The following ZC3H3 variants were observed in gnomAD, a reference collection of about 807,000 sequenced individuals.
ZC3H3 encodes the protein zinc finger CCCH domain-containing protein 3.
ZC3H3 carries 36 observed loss-of-function variants against 77.3 expected under a neutral mutation model. The ratio of observed to expected loss-of-function variants is 0.47; its 90% CI spans 0.36 to 0.61. The LOEUF (loss-of-function observed/expected upper bound fraction) is 0.61, where lower values mean the gene tolerates loss of function less well. Ranked by LOEUF, ZC3H3 falls within the 20% of genes least tolerant of loss-of-function variation. The probability of loss-of-function intolerance (pLI) is 0.00; values close to 1 mark genes in which losing one functional copy is unlikely to be tolerated. For missense variants in ZC3H3, 1,331 were observed against 1,312.2 expected, an observed-to-expected ratio of 1.01 and a Z score of -0.22; for synonymous variants, 626 against 555.2, an observed-to-expected ratio of 1.13 and a Z score of -1.79.
Position 143,538,227 on chromosome 8 carries a change from C to A in ZC3H3, c.1140G>T (p.Lys380Asn), listed in dbSNP as rs773499300. The change falls in exon 2 of 12, where the codon AAG (lysine) becomes AAT (asparagine). Residue 380 changes from lysine to asparagine, a missense_variant. Physicochemically the swap from Lys to Asn is moderately conservative, Grantham distance 94. This residue lies in a region of ZC3H3 where 978 missense variants were observed against 915.5 expected (regional missense o/e 1.07). Transcript: ENST00000262577. Reference protein sequence around the residue: ...PGSAPSKYKWKASSPSASSSS... With the variant: ...PGSAPSKYKWNASSPSASSSS... ...AGGAGGAGGCAGAGGGGCTGGAGGC[C>A]TTCCACTTGTACTTGCTGGGGGCAG... is the stretch of plus-strand genomic sequence containing the variant. 7.4e-6 allele frequency: 12 copies of A among 1,612,908 alleles called. No individual in the cohort carries two copies. The highest frequency in any genetic ancestry group is 1.3e-5 in the African/African-American group (1 of 74,946).
chr8:143,514,338 C>G (rs916379292), intron 3 of ZC3H3, among the ~76,000 whole-genome samples: 10 of 152,316 alleles, frequency 6.6e-5, no homozygotes, highest in African/African-American at 2.4e-4. Flanking sequence ...AGGCCCCATC[C>G]TGGCTCGGGC....
intron 4 of ZC3H3, among the ~76,000 whole-genome samples, chr8:143,498,773 A>G (rs1339616569): frequency 9.2e-6 from 1 of 108,674 alleles, no homozygotes; most frequent in East Asian, 3.2e-4. Flanking sequence ...GCGGAGGGGC[A>G]CAGGGCAGGG....
Position 143,536,404 on chromosome 8 carries a change from T to A in ZC3H3, c.1414A>T (p.Ser472Cys). Residue 472 changes from serine to cysteine, a missense_variant, in exon 3 of 12, where the codon AGC (serine) becomes TGC (cysteine). Physicochemically the swap from Ser to Cys is moderately radical, Grantham distance 112 (BLOSUM62 -1). Around this residue, in one of 3 missense-constraint regions of ZC3H3, gnomAD observed 978 missense variants for 915.5 expected, o/e 1.07. Transcript: ENST00000262577. ...SGTSPAATAKSHLSLRRRQAL... is the reference protein window; with the variant it reads ...SGTSPAATAKCHLSLRRRQAL... ...TGTCTCCGCCGGAGGCTGAGGTGGC[T>A]CTTGGCGGTGGCGGCAGGTGAGGTG... The A allele has an allele frequency of 6.4e-7, 1 of 1,567,668 alleles. No homozygotes were observed. Among genetic ancestry groups the A allele is most frequent in the Non-Finnish European group, 8.7e-7 (1 of 1,154,760 alleles).
At chr8:143,526,768 G>A (rs958566263) in intron 3 of ZC3H3, among the ~76,000 whole-genome samples, 1 of 152,162 alleles carries the variant, frequency 6.6e-6, no homozygotes, top group Admixed American at 6.5e-5. Flanking sequence ...CCCAGAAGGT[G>A]CAGGCCACAT....
chr8:143,504,244 G>A (rs1821619906), intron 4 of ZC3H3, among the ~76,000 whole-genome samples: 2 of 152,180 alleles, frequency 1.3e-5, no homozygotes, highest in Admixed American at 6.5e-5. Context: ...GGGGGCTCAT[G>A]GCCAGGAGAG....
intron 3 of ZC3H3, among the ~76,000 whole-genome samples, chr8:143,510,220 T>A (rs1238258859): frequency 6.6e-6 from 1 of 152,214 alleles, no homozygotes; most frequent in Non-Finnish European, 1.5e-5. Context: ...AGGTATATTC[T>A]GCACGTCACC....
chr8:143,501,441 C>T lies in ZC3H3; in HGVS notation c.1715+6305G>A, dbSNP rs570129338. ...CTGGTCTTGAACTCCAGAGCTCAAG[C>T]GGTCCACCTGCCTCGGCCTCCCAAA... On this transcript the variant is annotated intron_variant, in intron 4 of 11. Coordinates refer to ENST00000262577, the MANE Select transcript of ZC3H3 (RefSeq NM_015117.3). 6.6e-5 allele frequency among the ~76,000 whole-genome samples: 10 copies of T among 151,622 alleles called. No homozygotes were observed. In the East Asian group the frequency reaches 1.8e-3, roughly 27 times the overall value.
intron 5 of ZC3H3, among the ~76,000 whole-genome samples, chr8:143,473,963 C>T (rs1820651633): frequency 6.6e-6 from 1 of 152,184 alleles, no homozygotes; most frequent in Admixed American, 6.5e-5. Context: ...CCCCACAGGC[C>T]ACCAAGCTCC....
intron 9 of ZC3H3, among the ~76,000 whole-genome samples, chr8:143,459,147 G>A (rs1319314558): frequency 1.3e-4 from 20 of 152,112 alleles, no homozygotes; most frequent in Admixed American, 1.3e-3. Context: ...GTAGTACCCC[G>A]ATAACAAAAC....
chr8:143,532,002 C>T (rs1201000569), intron 3 of ZC3H3, among the ~76,000 whole-genome samples: 3 of 152,230 alleles, frequency 2.0e-5, no homozygotes, highest in East Asian at 3.8e-4. Flanking sequence ...ATTGATTGAA[C>T]GCGGCAATTA....
At chr8:143,528,509 C>T (rs529522747) in intron 3 of ZC3H3, among the ~76,000 whole-genome samples, 1 of 152,352 alleles carries the variant, frequency 6.6e-6, no homozygotes, top group Non-Finnish European at 1.5e-5. Flanking sequence ...CAGCCTGGCA[C>T]AGGAGGTTAC....
At chr8:143,497,377 A>T (rs1264707079) in intron 4 of ZC3H3, among the ~76,000 whole-genome samples, 1 of 150,444 alleles carries the variant, frequency 6.6e-6, no homozygotes. Flanking sequence ...AGTCACAGCC[A>T]CCTCATCCCT....
chr8:143,447,225 G>A (rs1292881576), intron 9 of ZC3H3, among the ~76,000 whole-genome samples: 2 of 152,218 alleles, frequency 1.3e-5, no homozygotes, highest in African/African-American at 4.8e-5. Context: ...TAACCCCACA[G>A]CCAGCAGCAC....
rs199598432 is a variant in ZC3H3, at chr8:143,539,181, G to A, written c.186C>T (p.Tyr62=). The change falls in exon 2 of 12, where the codon TAC becomes TAT. Residue 62 remains tyrosine, a synonymous_variant. Transcript: ENST00000262577. ...GCCACGAAGGCCCATGGTGGGAAGA[G>A]TAGCCCCTCCGGCTTGGACGAGGGT... ...ARYPRPSRRG[Y]SSHHGPSWRK... is the part of the protein sequence containing the mutation. 8.4e-5 allele frequency: 136 copies of A among 1,613,014 alleles called. No individual in the cohort carries two copies. The East Asian group carries it at 3.0e-3, about 35-fold the overall frequency.
At chr8:143,471,512 C>T (rs1185351965) in intron 5 of ZC3H3, among the ~76,000 whole-genome samples, 1 of 152,150 alleles carries the variant, frequency 6.6e-6, no homozygotes, top group East Asian at 1.9e-4. Context: ...GCCCTGTGGC[C>T]AGAGACTGGG....
intron 2 of ZC3H3, among the ~76,000 whole-genome samples, chr8:143,536,728 C>T (rs1440537667): frequency 6.6e-6 from 1 of 152,186 alleles, no homozygotes; most frequent in Non-Finnish European, 1.5e-5. Flanking sequence ...GGCCTCAGTG[C>T]TCCGTCCCCA....
intron 4 of ZC3H3, among the ~76,000 whole-genome samples, chr8:143,504,049 G>A (rs889922665): frequency 1.2e-4 from 18 of 152,104 alleles, no homozygotes; most frequent in Admixed American, 2.6e-4. Flanking sequence ...GACTCAGGCC[G>A]GGCACTCACT....
Position 143,538,463 on chromosome 8 carries a change from G to GGAACTA in ZC3H3, c.903_904insTAGTTC (p.Cys301_Arg302insTer). On this transcript the variant is annotated stop_gained and inframe_insertion, in exon 2 of 12. Coordinates refer to ENST00000262577, the MANE Select transcript of ZC3H3 (RefSeq NM_015117.3). LOFTEE classifies it high-confidence loss of function. Reference sequence around the variant, plus strand: ...TTGTTTTTCCGGAACTTGTTAGTTCGACAGGTCACAACCAGCGAGGCCTCC... The same window carrying GGAACTA: ...TTGTTTTTCCGGAACTTGTTAGTTCGGAACTAACAGGTCACAACCAGCGAGGCCTCC... 1.2e-6 allele frequency: 2 copies of GGAACTA among 1,613,082 alleles called. No individual in the cohort carries two copies. Among genetic ancestry groups the GGAACTA allele is most frequent in the Non-Finnish European group, 1.7e-6 (2 of 1,180,034 alleles).
intron 4 of ZC3H3, among the ~76,000 whole-genome samples, chr8:143,495,074 A>G (rs1265350983): frequency 6.6e-6 from 1 of 152,240 alleles, no homozygotes; most frequent in Non-Finnish European, 1.5e-5. Context: ...CTTACGTCCC[A>G]GCGATCCCAC....
Sources: allele counts gnomAD v4.1 joint callset (sites outside exome capture counted in the v4.1 genomes callset), GRCh38; gene constraint gnomAD v4.1.1; regional missense constraint gnomAD v4.1.1; transcripts MANE v1.5; gene names NCBI Gene and HGNC (gene_info 2026-07-23, HGNC 2026-07-21).